PACSIN1: variants seen among roughly 807,000 people sequenced by gnomAD.
The protein encoded by PACSIN1 is protein kinase C and casein kinase substrate in neurons protein 1.
PACSIN1 carries 15 observed loss-of-function variants against 59.5 expected under a neutral mutation model. The ratio of observed to expected loss-of-function variants is 0.25; its 90% confidence interval spans 0.17 to 0.39. PACSIN1 has a LOEUF of 0.39. PACSIN1 is among the 10% of genes least tolerant of loss of function. The pLI, the probability that PACSIN1 is intolerant of heterozygous loss-of-function variation, is 1.00. For missense variants in PACSIN1, 420 were observed against 580.2 expected (o/e 0.72, Z 2.84); for synonymous variants, 210 against 220.6 (o/e 0.95, Z 0.42).
At chr6:34,517,343 A>G (rs2395568) in intron 1 of PACSIN1, among the ~76,000 whole-genome samples, 139,288 of 152,094 alleles carry the variant, frequency 0.92, 64,276 homozygotes, top group Non-Finnish European at 0.98. Flanking sequence ...CTGCCCCACC[A>G]TGGTCTGCTC....
rs187886914 is a variant in PACSIN1, at chr6:34,480,017, G to C, written c.-64+13747G>C. 2.7e-3 allele frequency among the ~76,000 whole-genome samples: 403 copies of C among 151,576 alleles called. 2 individuals are homozygous for C. Among genetic ancestry groups the C allele is most frequent in the Middle Eastern group, 6.8e-3 (2 of 294 alleles). On this transcript the variant is annotated intron_variant, in intron 1 of 9. Transcript: ENST00000244458. Reference sequence around the variant, plus strand: ...ATTTTTGTATTTTTAATGGAGACGGGGTTTCACCGTGTTGGCCAGGCTGGT... The same window carrying C: ...ATTTTTGTATTTTTAATGGAGACGGCGTTTCACCGTGTTGGCCAGGCTGGT...
At chr6:34,497,683 C>G (rs2127256387) in intron 1 of PACSIN1, among the ~76,000 whole-genome samples, 2 of 152,320 alleles carry the variant, frequency 1.3e-5, no homozygotes, top group South Asian at 4.1e-4. Flanking sequence ...CTCTCGATCC[C>G]TCCCACGCTC....
intron 1 of PACSIN1, among the ~76,000 whole-genome samples, chr6:34,505,575 A>T (rs538060365): frequency 1.7e-5 from 2 of 118,186 alleles, no homozygotes; most frequent in African/African-American, 3.2e-5. Flanking sequence ...AGATTGGGTA[A>T]TTTCTATTGT....
intron 1 of PACSIN1, among the ~76,000 whole-genome samples, chr6:34,522,622 G>A (rs1767413498): frequency 6.6e-6 from 1 of 152,168 alleles, no homozygotes; most frequent in African/African-American, 2.4e-5. Context: ...ATTTATTAGG[G>A]GAGCTGACTC....
In PACSIN1 at chr6:34,534,692, C is replaced by T. The variant is rs986975497; in HGVS notation, c.*2162C>T. On this transcript the variant is annotated 3_prime_UTR_variant, in exon 10 of 10. Coordinates refer to ENST00000244458, the MANE Select transcript of PACSIN1 (RefSeq NM_020804.5). ...AGCTGCCCACTCCAGGGCAGGGACTCGAAACCCCCTCCGTCCTGAGCAGCC... is the reference window on the plus strand; with the variant it reads ...AGCTGCCCACTCCAGGGCAGGGACTTGAAACCCCCTCCGTCCTGAGCAGCC... 7 of 152,770 alleles carry T rather than the reference C, an allele frequency of 4.6e-5. No homozygotes were observed. The highest frequency in any genetic ancestry group is 2.1e-4 in the South Asian group (1 of 4,826). The allele number at this position is 152,770 out of a possible 1,614,324, so 9.5% of individuals were successfully genotyped here.
Position 34,532,607 on chromosome 6 carries a change from G to T in PACSIN1, c.*77G>T. The T allele has an allele frequency of 1.3e-6, 1 of 752,910 alleles. No individual in the cohort carries two copies. The highest frequency in any genetic ancestry group is 2.8e-5 in the East Asian group (1 of 35,952). The allele number at this position is 752,910 out of a possible 1,614,324, so 46.6% of individuals were successfully genotyped here. On this transcript the variant is annotated 3_prime_UTR_variant, in exon 10 of 10. Coordinates refer to ENST00000244458, the MANE Select transcript of PACSIN1 (RefSeq NM_020804.5). The surrounding 1 kb of genome is among the most constrained non-coding windows in gnomAD (Gnocchi z 5.2). ...CTCCCACTCTCGTCTCCTTCCCCTCGCCATAGAGTTCCAGACATATTTTCC... is the reference window on the plus strand; with the variant it reads ...CTCCCACTCTCGTCTCCTTCCCCTCTCCATAGAGTTCCAGACATATTTTCC...
intron 1 of PACSIN1, among the ~76,000 whole-genome samples, chr6:34,467,987 G>C (rs1020793526): frequency 6.6e-6 from 1 of 152,154 alleles, no homozygotes; most frequent in Non-Finnish European, 1.5e-5. Flanking sequence ...TTGAGGGAAG[G>C]CCTGATGTGA....
Position 34,531,652 on chromosome 6 carries a change from G to A in PACSIN1, c.1090G>A (p.Glu364Lys), listed in dbSNP as rs868122304. ...QPYATEWSDD[E>K]SGNPFGGSET... The stretch of plus-strand genomic sequence containing the variant: ...CTACGCCACCGAGTGGTCAGACGAC[G>A]AGAGTGGGAACCCCTTTGGGGGCAG... Residue 364 changes from glutamate (E) to lysine (K), a missense_variant, in exon 9 of 10, where the codon GAG becomes AAG. Physicochemically the swap from Glu to Lys is moderately conservative, Grantham distance 56. Coordinates refer to ENST00000244458, the MANE Select transcript of PACSIN1 (RefSeq NM_020804.5). This position sits in a 1 kb window ranked among gnomAD's most constrained non-coding sequence, Gnocchi z 4.4. The A allele has an allele frequency of 1.9e-6, 3 of 1,613,924 alleles. No homozygotes were observed. Among genetic ancestry groups the A allele is most frequent in the East Asian group, 2.2e-5 (1 of 44,896 alleles).
intron 1 of PACSIN1, among the ~76,000 whole-genome samples, chr6:34,493,225 G>T: frequency 1.3e-5 from 2 of 152,342 alleles, no homozygotes; most frequent in South Asian, 4.1e-4. Flanking sequence ...ATCCCCTGCA[G>T]CTGGGGGATG....
rs1767551736 is a variant in PACSIN1 at position 34,529,543 on chromosome 6, T to A, written c.603T>A (p.Asp201Glu). ...ACAAAGTGGACAAGTGCAAGCAGGA[T>A]GTGCAGAAGGTGCTGGCGGGCAGGG... Reference protein sequence around the residue: ...LQDKVDKCKQDVQKTQEKYEK... With the variant: ...LQDKVDKCKQEVQKTQEKYEK... The change falls in exon 5 of 10, where the codon GAT becomes GAA. Residue 201 changes from aspartate to glutamate, a missense_variant. Transcript: ENST00000244458. The surrounding 1 kb of genome is among the most constrained non-coding windows in gnomAD (Gnocchi z 6.3). The A allele has an allele frequency of 2.5e-6, 4 of 1,614,000 alleles. No individual in the cohort carries two copies. The highest frequency in any genetic ancestry group is 3.4e-6 in the Non-Finnish European group (4 of 1,179,994).
Position 34,529,024 on chromosome 6 carries a change from A to G in PACSIN1, c.456+147A>G. On this transcript the variant is annotated intron_variant, in intron 4 of 9. Transcript: ENST00000244458. The surrounding 1 kb of genome is among the most constrained non-coding windows in gnomAD (Gnocchi z 6.3). ...AGGGGAGCAGCACTGCCTTCCAGGA[A>G]AAAATATTCACAGATGGGTAGGCAG... The G allele has an allele frequency of 1.5e-6, 1 of 669,126 alleles. No individual in the cohort carries two copies. Among genetic ancestry groups the G allele is most frequent in the East Asian group, 2.7e-5 (1 of 36,734 alleles). 41.4% of individuals were successfully genotyped at this position (669,126 alleles called of 1,614,324 possible).
At chr6:34,504,021 C>A (rs544864027) in intron 1 of PACSIN1, among the ~76,000 whole-genome samples, 2 of 152,030 alleles carry the variant, frequency 1.3e-5, no homozygotes, top group East Asian at 3.9e-4. Context: ...TTAGTAGTTG[C>A]TCTAGGTATT....
chr6:34,497,482 G>A (rs1766965003), intron 1 of PACSIN1, among the ~76,000 whole-genome samples: 1 of 152,142 alleles, frequency 6.6e-6, no homozygotes, highest in Admixed American at 6.5e-5. Flanking sequence ...GTCAGCTGCT[G>A]CAACAATTGG....
intron 1 of PACSIN1, among the ~76,000 whole-genome samples, chr6:34,471,097 C>T (rs1216776376): frequency 6.6e-6 from 1 of 152,162 alleles, no homozygotes; most frequent in Non-Finnish European, 1.5e-5. Context: ...AGGTGCCGGC[C>T]ACCACACCCA....
rs530744069 is a variant in PACSIN1 at position 34,482,071 on chromosome 6, TTTTTTTG to T, written c.-64+15827_-64+15833del. ...CTTTTGTGACTGGCTTCTTTTTTTG[TTTTTTTG>T]TTTTTTGTTTTTTGTTTTTTGTTTT... On this transcript the variant is annotated intron_variant, in intron 1 of 9. Transcript: ENST00000244458. Among the ~76,000 whole-genome samples, 637 of 152,228 alleles carry T rather than the reference TTTTTTTG, an allele frequency of 4.2e-3. 5 individuals carry two copies. The highest frequency in any genetic ancestry group is 0.014 in the African/African-American group (567 of 41,530).
intron 1 of PACSIN1, among the ~76,000 whole-genome samples, chr6:34,500,553 A>C (rs1197357131): frequency 6.6e-6 from 1 of 152,236 alleles, no homozygotes; most frequent in Non-Finnish European, 1.5e-5. Flanking sequence ...TTCCATTTAC[A>C]GACGCAGGCA....
chr6:34,526,183 T>C, intron 1 of PACSIN1, 60 bp from the exon 2 acceptor site: 1 of 760,014 alleles, frequency 1.3e-6, no homozygotes. Flanking sequence ...AGGCCTGGAA[T>C]GGGGCAAAGG....
intron 1 of PACSIN1, among the ~76,000 whole-genome samples, chr6:34,490,384 G>A (rs1341892976): frequency 6.6e-6 from 1 of 152,002 alleles, no homozygotes; most frequent in African/African-American, 2.4e-5. Flanking sequence ...TCTTTTGATT[G>A]CATCAAGTGG....
At position 34,529,940 on chromosome 6, in the gene PACSIN1, G is replaced by C; in HGVS notation, c.788+99G>C. The stretch of plus-strand genomic sequence containing the variant: ...AGCCCTCCATCACAGTGACGGGAAG[G>C]GGAGGCAGAGCTGCAGGGGTCAAGA... On this transcript the variant is annotated intron_variant, in intron 6 of 9. Transcript: ENST00000244458. This position sits in a 1 kb window ranked among gnomAD's most constrained non-coding sequence, Gnocchi z 6.3. The C allele has an allele frequency of 7.4e-7, 1 of 1,347,640 alleles. No homozygotes were observed. Among genetic ancestry groups the C allele is most frequent in the Non-Finnish European group, 1.0e-6 (1 of 981,250 alleles). The allele number at this position is 1,347,640 out of a possible 1,614,324, so 83.5% of individuals were successfully genotyped here.
Sources: allele counts gnomAD v4.1 joint callset (sites outside exome capture counted in the v4.1 genomes callset), GRCh38; gene constraint gnomAD v4.1.1; non-coding constraint Gnocchi (gnomAD v3.1); transcripts MANE v1.5; gene names NCBI Gene and HGNC (gene_info 2026-07-23, HGNC 2026-07-21).